The following NR3C2 variants were observed in gnomAD, a reference collection of about 807,000 sequenced individuals.
The protein encoded by NR3C2 is nuclear receptor subfamily 3 group C member 2.
NR3C2 carries 15 observed loss-of-function variants against 86.4 expected under a neutral mutation model. That is an observed-to-expected ratio of 0.17 (90% CI 0.12 to 0.27). The LOEUF is 0.27. Ranked by LOEUF, NR3C2 falls within the 10% of genes least tolerant of loss-of-function variation. The pLI is 1.00. For synonymous variants in NR3C2, 458 were observed against 450.5 expected, an observed-to-expected ratio of 1.02 and a Z score of -0.21; for missense variants, 960 against 1,195.6, an observed-to-expected ratio of 0.80 and a Z score of 2.91.
chr4:148,092,612 C>T lies in NR3C2; in HGVS notation c.2800-11113G>A, dbSNP rs116317390. ...ATGTTGCTAGTTTTATTCATTGAGCCAAAACAAAAACTGGGCAACCTAAAT... is the reference window on the plus strand; with the variant it reads ...ATGTTGCTAGTTTTATTCATTGAGCTAAAACAAAAACTGGGCAACCTAAAT... On this transcript the variant is annotated intron_variant, in intron 8 of 8. Transcript: ENST00000358102. Among the ~76,000 whole-genome samples the T allele has an allele frequency of 4.1e-3, 623 of 152,210 alleles. 5 individuals carry two copies. Among genetic ancestry groups the T allele is most frequent in the Non-Finnish European group, 5.0e-3 (338 of 68,006 alleles).
chr4:148,314,339 TA>T lies in NR3C2; in HGVS notation c.1758-54223del, dbSNP rs769436583. 1.9e-3 allele frequency among the ~76,000 whole-genome samples: 284 copies of T among 152,288 alleles called. 2 individuals carry two copies. Among genetic ancestry groups the T allele is most frequent in the Middle Eastern group, 3.4e-3 (1 of 294 alleles). On this transcript the variant is annotated intron_variant, in intron 2 of 8. Transcript: ENST00000358102. ...TTTCTGGTTCTGTGAAAAACATTAT[TA>T]TTTTTTTAGATATATAACTATGCTT...
chr4:148,295,334 A>G (rs1008307317), intron 2 of NR3C2, among the ~76,000 whole-genome samples: 2 of 151,836 alleles, frequency 1.3e-5, no homozygotes, highest in African/African-American at 4.8e-5. Context: ...GTAAATAAAC[A>G]CTGTCCTGAA....
chr4:148,127,239 ATTTTTT>A (rs1046670271), intron 6 of NR3C2, among the ~76,000 whole-genome samples: 1 of 151,330 alleles, frequency 6.6e-6, no homozygotes, highest in Non-Finnish European at 1.5e-5. Flanking sequence ...GCAATTGTGC[ATTTTTT>A]TGCACAATTA....
At chr4:148,281,150 T>A (rs1741215542) in intron 2 of NR3C2, among the ~76,000 whole-genome samples, 1 of 152,162 alleles carries the variant, frequency 6.6e-6, no homozygotes, top group African/African-American at 2.4e-5. Flanking sequence ...TTTTTCTTTA[T>A]CCCTGTTCTA....
At chr4:148,234,341 C>T (rs1738627188) in intron 3 of NR3C2, among the ~76,000 whole-genome samples, 1 of 152,052 alleles carries the variant, frequency 6.6e-6, no homozygotes, top group Admixed American at 6.6e-5. Context: ...CCCAACATTT[C>T]AATGGGTCTC....
intron 2 of NR3C2, among the ~76,000 whole-genome samples, chr4:148,334,670 A>G (rs139893056): frequency 1.8e-3 from 279 of 152,384 alleles, no homozygotes; most frequent in African/African-American, 6.4e-3. Flanking sequence ...AAGGTTAAAA[A>G]AAGTGTCTGT....
At chr4:148,210,998 T>A (rs1216616828) in intron 3 of NR3C2, among the ~76,000 whole-genome samples, 1 of 152,200 alleles carries the variant, frequency 6.6e-6, no homozygotes, top group Non-Finnish European at 1.5e-5. Context: ...AAAGTGATCA[T>A]TAGAATGAAT....
Position 148,442,406 on chromosome 4 carries a change from G to C in NR3C2, c.-249C>G, listed in dbSNP as rs886059133. 6.4e-6 allele frequency: 1 copy of C among 155,684 alleles called. No individual in the cohort carries two copies. The highest frequency in any genetic ancestry group is 1.4e-5 in the Non-Finnish European group (1 of 70,618). The allele number at this position is 155,684 out of a possible 1,614,324, so 9.6% of individuals were successfully genotyped here. On this transcript the variant is annotated 5_prime_UTR_variant, in exon 1 of 9. Transcript: ENST00000358102. Reference sequence around the variant, plus strand: ...CCCAATGACACCCCGGGCGCGGAGGGGCTGAGAGGAGGGGGCAGGGGCAGG... The same window carrying C: ...CCCAATGACACCCCGGGCGCGGAGGCGCTGAGAGGAGGGGGCAGGGGCAGG...
chr4:148,193,725 G>A (rs921721916), intron 4 of NR3C2, among the ~76,000 whole-genome samples: 7 of 152,146 alleles, frequency 4.6e-5, no homozygotes, highest in Non-Finnish European at 1.0e-4. Context: ...AGTGGGATTT[G>A]GAAAGGTCTT....
At chr4:148,329,237 T>C (rs1296104544) in intron 2 of NR3C2, among the ~76,000 whole-genome samples, 1 of 152,200 alleles carries the variant, frequency 6.6e-6, no homozygotes, top group African/African-American at 2.4e-5. Context: ...ATGAGTGTTG[T>C]GTATTTATCT....
At chr4:148,359,434 A>G (rs1180672006) in intron 2 of NR3C2, among the ~76,000 whole-genome samples, 2 of 152,200 alleles carry the variant, frequency 1.3e-5, no homozygotes, top group Non-Finnish European at 2.9e-5. Context: ...TGTACGATCT[A>G]TACCTTCCCC....
chr4:148,099,788 T>TATATAG (rs1478659297), intron 8 of NR3C2, among the ~76,000 whole-genome samples: 1 of 152,234 alleles, frequency 6.6e-6, no homozygotes, highest in Admixed American at 6.5e-5. Flanking sequence ...CTCCCCTAGA[T>TATATAG]ATATTTCAGA....
At chr4:148,376,317 C>T (rs72656867) in intron 2 of NR3C2, among the ~76,000 whole-genome samples, 9 of 152,114 alleles carry the variant, frequency 5.9e-5, no homozygotes, top group South Asian at 2.1e-4. Context: ...AAAGAATCTG[C>T]GCCACAGCTT....
intron 2 of NR3C2, among the ~76,000 whole-genome samples, chr4:148,291,170 G>A (rs981812377): frequency 5.9e-5 from 9 of 151,936 alleles, no homozygotes; most frequent in Admixed American, 2.0e-4. Flanking sequence ...CAAAAAGCAT[G>A]TTTTCTTTCC....
upstream of NR3C2, among the ~76,000 whole-genome samples, chr4:148,443,741 G>C (rs910860162): frequency 9.9e-5 from 15 of 151,720 alleles, no homozygotes; most frequent in African/African-American, 3.4e-4. Flanking sequence ...GCAGCTGTGC[G>C]GCCTCCCGCC....
intron 2 of NR3C2, among the ~76,000 whole-genome samples, chr4:148,313,027 A>AGTAAAACAGT (rs1742979316): frequency 6.6e-6 from 1 of 152,202 alleles, no homozygotes; most frequent in Non-Finnish European, 1.5e-5. Flanking sequence ...GGCAAGAAAT[A>AGTAAAACAGT]GTAAAACAGT....
chr4:148,159,630 G>A (rs1734564213), intron 4 of NR3C2, among the ~76,000 whole-genome samples: 1 of 152,172 alleles, frequency 6.6e-6, no homozygotes, highest in South Asian at 2.1e-4. Context: ...ATCCAGCTAG[G>A]GCTCAGAGTT....
At chr4:148,281,788 T>C (rs1561017438) in intron 2 of NR3C2, among the ~76,000 whole-genome samples, 1 of 152,346 alleles carries the variant, frequency 6.6e-6, no homozygotes, top group Admixed American at 6.5e-5. Context: ...CTAAATGCTA[T>C]AGGAGACGGA....
chr4:148,179,682 C>T (rs560013472), intron 4 of NR3C2, among the ~76,000 whole-genome samples: 2 of 151,438 alleles, frequency 1.3e-5, no homozygotes, highest in East Asian at 1.9e-4. Context: ...ATATATTGAG[C>T]GCAAATTATA....
Sources: allele counts gnomAD v4.1 joint callset (sites outside exome capture counted in the v4.1 genomes callset), GRCh38; gene constraint gnomAD v4.1.1; transcripts MANE v1.5; gene names NCBI Gene and HGNC (gene_info 2026-07-23, HGNC 2026-07-21).